The following ROBO2 variants were observed in gnomAD, a reference collection of about 807,000 sequenced individuals.
The protein encoded by ROBO2 is roundabout guidance receptor 2, also known as roundabout homolog 2.
ROBO2 carries 53 observed loss-of-function variants against 160.8 expected under a neutral mutation model. That is an observed-to-expected ratio of 0.33 (90% CI 0.26 to 0.41). The LOEUF is 0.41. ROBO2 is among the 10% of genes least tolerant of loss of function. The probability of loss-of-function intolerance (pLI) is 1.00; values close to 1 mark genes in which losing one functional copy is unlikely to be tolerated. For synonymous variants in ROBO2, 664 were observed against 611.7 expected (o/e 1.09, Z -1.26); for missense variants, 1,577 against 1,722.4 (o/e 0.92, Z 1.49).
intron 2 of ROBO2, among the ~76,000 whole-genome samples, chr3:77,110,959 G>A (rs1436072341): frequency 6.6e-6 from 1 of 152,094 alleles, no homozygotes; most frequent in Non-Finnish European, 1.5e-5. Flanking sequence ...CTCCCAAAGT[G>A]CTGGAACTAC....
chr3:76,110,351 C>T (rs978530306), intron 2 of ROBO2, among the ~76,000 whole-genome samples: 3 of 152,056 alleles, frequency 2.0e-5, no homozygotes, highest in African/African-American at 7.2e-5. Context: ...AACATGACAG[C>T]TATTAGCAAG....
At chr3:76,868,214 G>A (rs748278503) in intron 2 of ROBO2, among the ~76,000 whole-genome samples, 18 of 152,042 alleles carry the variant, frequency 1.2e-4, no homozygotes, top group African/African-American at 1.7e-4. Context: ...CCTAATTTCT[G>A]ATTTTTTATT....
intron 2 of ROBO2, among the ~76,000 whole-genome samples, chr3:76,828,183 G>A (rs1295589748): frequency 6.6e-6 from 1 of 152,100 alleles, no homozygotes; most frequent in African/African-American, 2.4e-5. Context: ...GGATAAATTT[G>A]TGAAACTCTA....
chr3:76,996,683 G>A (rs1332324704), intron 2 of ROBO2, among the ~76,000 whole-genome samples: 1 of 152,138 alleles, frequency 6.6e-6, no homozygotes, highest in Non-Finnish European at 1.5e-5. Context: ...TTCTTTTAAT[G>A]TCCAGTACAT....
chr3:77,200,292 TA>T (rs1579913498), intron 2 of ROBO2, among the ~76,000 whole-genome samples: 1 of 66,934 alleles, frequency 1.5e-5, no homozygotes, highest in East Asian at 4.1e-4. Flanking sequence ...TATATATATA[TA>T]TATATATATA....
chr3:76,083,301 A>G (rs560456704), intron 2 of ROBO2, among the ~76,000 whole-genome samples: 4 of 152,258 alleles, frequency 2.6e-5, no homozygotes, highest in Non-Finnish European at 4.4e-5. Context: ...TAAGGATATA[A>G]ATACTGCAAA....
intron 8 of ROBO2, among the ~76,000 whole-genome samples, chr3:77,555,831 G>A (rs900826111): frequency 2.0e-5 from 3 of 151,882 alleles, no homozygotes; most frequent in African/African-American, 7.2e-5. Flanking sequence ...TAAGTGTCAT[G>A]GAAACCTGTG....
At chr3:76,147,251 A>G (rs988827694) in intron 2 of ROBO2, among the ~76,000 whole-genome samples, 6 of 151,756 alleles carry the variant, frequency 4.0e-5, no homozygotes, top group African/African-American at 1.5e-4. Flanking sequence ...TGATACTTAA[A>G]TTTAAGTTTT....
chr3:76,115,604 G>A (rs2070432345), intron 2 of ROBO2, among the ~76,000 whole-genome samples: 1 of 152,044 alleles, frequency 6.6e-6, no homozygotes, highest in African/African-American at 2.4e-5. Context: ...AAAGTATTTA[G>A]CAAAGTGAAT....
At chr3:76,525,421 A>G (rs183317370) in intron 2 of ROBO2, among the ~76,000 whole-genome samples, 2 of 152,104 alleles carry the variant, frequency 1.3e-5, no homozygotes, top group African/African-American at 2.4e-5. Flanking sequence ...CAGTTTAATG[A>G]ATAGCTCTTT....
chr3:76,225,077 G>C (rs1352814650), intron 2 of ROBO2, among the ~76,000 whole-genome samples: 2 of 152,038 alleles, frequency 1.3e-5, no homozygotes, highest in South Asian at 2.1e-4. Flanking sequence ...ATGGTAACTA[G>C]TAAATATAAA....
chr3:77,465,253 G>A (rs1032272800), intron 2 of ROBO2, among the ~76,000 whole-genome samples: 2 of 152,120 alleles, frequency 1.3e-5, no homozygotes, highest in Non-Finnish European at 2.9e-5. Context: ...TCAAAATAAT[G>A]GAGGTTTCGT....
chr3:76,820,360 A>AT (rs950462196), intron 2 of ROBO2, among the ~76,000 whole-genome samples: 52 of 150,914 alleles, frequency 3.4e-4, no homozygotes, highest in Non-Finnish European at 6.1e-4. Context: ...AATATGAAAA[A>AT]TTTTTTTTTT....
chr3:77,521,191 T>G (rs1230965627), intron 5 of ROBO2, among the ~76,000 whole-genome samples: 1 of 151,184 alleles, frequency 6.6e-6, no homozygotes, highest in African/African-American at 2.4e-5. Context: ...AATTAGGAGA[T>G]AGAGACCCAG....
intron 2 of ROBO2, among the ~76,000 whole-genome samples, chr3:77,264,406 C>T (rs1380442689): frequency 1.3e-5 from 2 of 152,090 alleles, no homozygotes; most frequent in Non-Finnish European, 2.9e-5. Flanking sequence ...TGTGCGATTG[C>T]CATTTCACAT....
chr3:76,582,362 A>C (rs2085755000), intron 2 of ROBO2, among the ~76,000 whole-genome samples: 1 of 152,168 alleles, frequency 6.6e-6, no homozygotes, highest in Non-Finnish European at 1.5e-5. Flanking sequence ...AGGAATAGAA[A>C]ACTCTACCAG....
At chr3:76,108,283 A>G (rs562687959) in intron 2 of ROBO2, among the ~76,000 whole-genome samples, 56 of 152,058 alleles carry the variant, frequency 3.7e-4, no homozygotes, top group Non-Finnish European at 8.8e-5. Context: ...AAAGTTTTTA[A>G]TGAAAGATTG....
chr3:77,593,760 C>G (rs1256946848), intron 17 of ROBO2, among the ~76,000 whole-genome samples: 1 of 152,080 alleles, frequency 6.6e-6, no homozygotes, highest in African/African-American at 2.4e-5. Flanking sequence ...AACTTGAGAA[C>G]AGAGGAGTTA....
chr3:76,167,480 A>G (rs1263238069), intron 2 of ROBO2, among the ~76,000 whole-genome samples: 1 of 152,126 alleles, frequency 6.6e-6, no homozygotes, highest in South Asian at 2.1e-4. Context: ...TTCGGTGTCC[A>G]TGTTATCTTG....
Sources: allele counts gnomAD v4.1 joint callset (sites outside exome capture counted in the v4.1 genomes callset), GRCh38; gene constraint gnomAD v4.1.1; transcripts MANE v1.5; gene names NCBI Gene and HGNC (gene_info 2026-07-23, HGNC 2026-07-21).